Variants in MTMR1 observed in about 807,000 individuals in gnomAD.
MTMR1 encodes the protein phosphatidylinositol-3-phosphate phosphatase MTMR1.
A neutral mutation model predicts 51.6 loss-of-function variants in MTMR1; 17 were observed. The ratio of observed to expected loss-of-function variants is 0.33; its 90% CI spans 0.23 to 0.49. The LOEUF (loss-of-function observed/expected upper bound fraction) is 0.49. MTMR1 is among the 20% of genes least tolerant of loss of function. The pLI is 0.99. For missense variants in MTMR1, 386 were observed against 526.9 expected (o/e 0.73, Z 2.62); for synonymous variants, 201 against 205.6 (o/e 0.98, Z 0.19).
At chrX:150,707,985 T>C (rs1165709735) in intron 2 of MTMR1, among the ~76,000 whole-genome samples, 2 of 112,301 alleles carry the variant, frequency 1.8e-5, no homozygotes, top group Admixed American at 1.9e-4. Flanking sequence ...GGTTACATAC[T>C]GTATGACTTC....
Position 150,736,639 on chromosome X carries a change from A to G in MTMR1, c.1125A>G (p.Ala375=). The stretch of plus-strand genomic sequence containing the variant: ...AAAGTGAAAGTGCTTACCCAAATGC[A>G]GAACTTGTGTTCTTGGAGATCCACA... ...GYESESAYPN[A]ELVFLEIHNI... Residue 375 remains alanine (A), a synonymous_variant, in exon 11 of 16, where the codon GCA becomes GCG. Coordinates refer to ENST00000445323, the MANE Select transcript of MTMR1 (RefSeq NM_001306144.3). The G allele has an allele frequency of 8.3e-7, 1 of 1,211,657 alleles. No homozygotes were observed. Among genetic ancestry groups the G allele is most frequent in the Non-Finnish European group, 1.1e-6 (1 of 895,317 alleles).
In MTMR1 at chrX:150,764,948, G is replaced by GTCTTTTATCTTTTT. The variant is rs1296518939; in HGVS notation, c.*2220_*2221insCTTTTATCTTTTTT. The GTCTTTTATCTTTTT allele has an allele frequency of 2.7e-5, 3 of 112,004 alleles. No individual in the cohort carries two copies. The highest frequency in any genetic ancestry group is 3.8e-5 in the Non-Finnish European group (2 of 53,154). 9.2% of individuals were successfully genotyped at this position (112,004 alleles called of 1,213,427 possible). A position where few individuals can be genotyped will look rare whatever the true frequency, so the allele number is the denominator to read the frequency against. ...TTGCTCCCTGGTCTTTTTTAAGTAAGTAAGTAAGTATCTTAGTAGATTTTT... is the reference window on the plus strand; with the variant it reads ...TTGCTCCCTGGTCTTTTTTAAGTAAGTCTTTTATCTTTTTTAAGTAAGTATCTTAGTAGATTTTT... On this transcript the variant is annotated 3_prime_UTR_variant, in exon 16 of 16. Transcript: ENST00000445323.
At chrX:150,722,626 G>A (rs887237811) in intron 4 of MTMR1, among the ~76,000 whole-genome samples, 7 of 110,880 alleles carry the variant, frequency 6.3e-5, no homozygotes, top group Middle Eastern at 4.3e-3. Flanking sequence ...TTTAAGGTGA[G>A]TTTCTTTTAG....
chrX:150,731,144 AG>A (rs2042105612), intron 8 of MTMR1, among the ~76,000 whole-genome samples: 1 of 112,291 alleles, frequency 8.9e-6, no homozygotes, highest in African/African-American at 3.2e-5. Context: ...GTGTTTCTAA[AG>A]GACTTTTGAG....
chrX:150,733,294 T>C (rs1246965596), intron 10 of MTMR1, among the ~76,000 whole-genome samples: 3 of 111,687 alleles, frequency 2.7e-5, no homozygotes, highest in Non-Finnish European at 5.6e-5. Flanking sequence ...CTGATTTCTC[T>C]TCCCAGTCTT....
chrX:150,751,108 G>A (rs782403111), intron 14 of MTMR1: 14 of 1,069,677 alleles, frequency 1.3e-5, no homozygotes, highest in East Asian at 8.5e-5. Flanking sequence ...TCCTGACTCC[G>A]AGTTCATGTA....
intron 2 of MTMR1, 136 bp downstream of exon 2, chrX:150,699,436 T>C: frequency 2.6e-6 from 1 of 387,732 alleles, no homozygotes; most frequent in South Asian, 5.9e-5. Flanking sequence ...AAAGGTTCTC[T>C]GTTGTTAGAT....
chrX:150,715,344 G>A (rs1603242562), intron 3 of MTMR1, among the ~76,000 whole-genome samples: 1 of 112,413 alleles, frequency 8.9e-6, no homozygotes, highest in Non-Finnish European at 1.9e-5. Context: ...GGCAGACTTC[G>A]GCTAGACCTT....
chrX:150,731,424 A>G (rs781809163), intron 8 of MTMR1, 46 bp from the exon 9 acceptor site: 35 of 1,092,998 alleles, frequency 3.2e-5, no homozygotes, highest in Non-Finnish European at 4.2e-5. Flanking sequence ...TTCAAAGTGT[A>G]AAGTCATGCA....
intron 6 of MTMR1, among the ~76,000 whole-genome samples, chrX:150,729,083 A>AG (rs1408481383): frequency 9.1e-6 from 1 of 110,451 alleles, no homozygotes; most frequent in African/African-American, 3.3e-5. Flanking sequence ...TTAGACTAAA[A>AG]GAAAAACTCT....
intron 3 of MTMR1, among the ~76,000 whole-genome samples, chrX:150,717,548 A>G (rs782818813): frequency 9.1e-6 from 1 of 110,456 alleles, no homozygotes. Flanking sequence ...ATTCTTATTC[A>G]TGACACATTA....
chrX:150,736,375 A>T, intron 10 of MTMR1: 1 of 360,581 alleles, frequency 2.8e-6, no homozygotes, highest in African/African-American at 2.5e-5. Flanking sequence ...TTGAATTCAG[A>T]CTTCCAGCCT....
intron 3 of MTMR1, chrX:150,712,978 G>GCA (rs1557416277): frequency 6.5e-6 from 6 of 927,292 alleles, no homozygotes; most frequent in Non-Finnish European, 8.2e-6. Flanking sequence ...TTGGTAATGT[G>GCA]CATGCATTTA....
chrX:150,762,427 C>T (rs2065842735), intron 15 of MTMR1, 138 bp from the exon 16 acceptor site: 6 of 773,674 alleles, frequency 7.8e-6, no homozygotes, highest in Non-Finnish European at 9.4e-6. Context: ...GACGCGAGAT[C>T]GGTCAACGCC....
At position 150,733,291 on chromosome X, in the gene MTMR1, C is replaced by A. The variant is rs1174925802; in HGVS notation, c.1080+561C>A. On this transcript the variant is annotated intron_variant, in intron 10 of 15. Coordinates refer to ENST00000445323, the MANE Select transcript of MTMR1 (RefSeq NM_001306144.3). ...CCTTCTCCATCTCCTTCACTGATTT[C>A]TCTTCCCAGTCTTCAAATGGCATTG... Among the ~76,000 whole-genome samples, 3 of 111,718 alleles carry A rather than the reference C, an allele frequency of 2.7e-5. No individual in the cohort carries two copies. In the East Asian group the frequency reaches 8.5e-4, roughly 32 times the overall value.
chrX:150,712,505 T>C lies in MTMR1; in HGVS notation c.276+140T>C, dbSNP rs2041348374. ...CAGATCAATTTGCTCTGCTGTGTTA[T>C]AGCTTTCAGTGTTCACTAGAAACGC... is the stretch of plus-strand genomic sequence containing the variant. On this transcript the variant is annotated intron_variant, in intron 3 of 15. Transcript: ENST00000445323. 3 of 552,034 alleles carry C rather than the reference T, an allele frequency of 5.4e-6. No homozygotes were observed. In the Admixed American group the frequency reaches 1.2e-4, roughly 23 times the overall value. The allele number at this position is 552,034 out of a possible 1,213,427, so 45.5% of individuals were successfully genotyped here.
chrX:150,717,830 C>G (rs1603244979), intron 3 of MTMR1, among the ~76,000 whole-genome samples: 1 of 112,582 alleles, frequency 8.9e-6, no homozygotes, highest in South Asian at 3.7e-4. Context: ...TCATTGTAGC[C>G]AGGAAACCTA....
intron 2 of MTMR1, among the ~76,000 whole-genome samples, chrX:150,707,044 A>G (rs189282423): frequency 1.8e-5 from 2 of 111,011 alleles, no homozygotes; most frequent in Non-Finnish European, 3.8e-5. Flanking sequence ...TTGGACATCT[A>G]TAGACAAAAA....
At chrX:150,703,721 T>A (rs2040997641) in intron 2 of MTMR1, among the ~76,000 whole-genome samples, 1 of 112,087 alleles carries the variant, frequency 8.9e-6, no homozygotes, top group African/African-American at 3.2e-5. Context: ...AGCATGAACC[T>A]TCAAAATCTA....
Sources: gnomAD v4.1 joint callset for allele counts (sites outside exome capture counted in the v4.1 genomes callset) on GRCh38, gnomAD v4.1.1 for gene constraint, MANE v1.5 for transcripts, NCBI Gene and HGNC (gene_info 2026-07-23, HGNC 2026-07-21) for gene names.